CPLANE1: variants seen among roughly 807,000 people sequenced by gnomAD.
CPLANE1 encodes ciliogenesis and planar polarity effector complex subunit 1, also known as ciliogenesis and planar polarity effector 1.
CPLANE1 carries 263 observed loss-of-function variants against 362.5 expected under a neutral mutation model. That is an observed-to-expected ratio of 0.73 (90% confidence interval 0.66 to 0.80). The LOEUF is 0.80. Among genes scored for constraint, CPLANE1 ranks in the 30% least tolerant of loss-of-function variants. The pLI is 0.00. For missense variants in CPLANE1, 3,461 were observed against 3,793.4 expected (o/e 0.91, Z 2.30); for synonymous variants, 1,212 against 1,302.6 (o/e 0.93, Z 1.50).
the CPLANE1 span, among the ~76,000 whole-genome samples, chr5:37,076,640 GA>G: frequency 1.3e-5 from 2 of 151,930 alleles, no homozygotes; most frequent in Admixed American, 1.3e-4. Context: ...TCACCAATCA[GA>G]AACATAAATT....
rs1790744420 is a variant in CPLANE1, at chr5:37,206,389, T to A, written c.2957A>T (p.Lys986Met). The A allele has an allele frequency of 6.4e-7, 1 of 1,551,468 alleles. No homozygotes were observed. Among genetic ancestry groups the A allele is most frequent in the Admixed American group, 2.0e-5 (1 of 50,990 alleles). Residue 986 changes from lysine to methionine, a missense_variant, in exon 17 of 53, where the codon AAG (lysine) becomes ATG (methionine). This residue lies in a region of CPLANE1 where 3,380 missense variants were observed against 3,666.1 expected (regional missense o/e 0.92). Coordinates refer to ENST00000651892, the MANE Select transcript of CPLANE1 (RefSeq NM_001384732.1). Reference sequence around the variant, plus strand: ...CTGATCTCTAACAACACTGGCCACCTTAGAGTGTTGCAGAGGAATAAGTCG... The same window carrying A: ...CTGATCTCTAACAACACTGGCCACCATAGAGTGTTGCAGAGGAATAAGTCG... The part of the protein sequence containing the change: ...SFRLIPLQHS[K>M]VASVVRDQNL...
Position 37,226,510 on chromosome 5 carries a change from T to C in CPLANE1, c.2085A>G (p.Val695=), listed in dbSNP as rs1561664002. The change falls in exon 12 of 53, where the codon GTA becomes GTG. Residue 695 remains valine (V), a synonymous_variant. Coordinates refer to ENST00000651892, the MANE Select transcript of CPLANE1 (RefSeq NM_001384732.1). ...TGTATACACCATTTAAATTGTCAGCTACCATTTTGAGTAAATAAAAACAAG... is the reference window on the plus strand; with the variant it reads ...TGTATACACCATTTAAATTGTCAGCCACCATTTTGAGTAAATAAAAACAAG... ...LLACFYLLKM[V]ADNLNGVYIL... The C allele has an allele frequency of 6.5e-7, 1 of 1,548,658 alleles. No homozygotes were observed. Among genetic ancestry groups the C allele is most frequent in the East Asian group, 2.4e-5 (1 of 40,830 alleles).
chr5:37,142,244 A>T (rs1249034946), intron 44 of CPLANE1, 66 bp downstream of exon 44: 1 of 1,379,470 alleles, frequency 7.2e-7, no homozygotes, highest in Non-Finnish European at 9.5e-7. Context: ...TTCCCAGTAA[A>T]TCATGTTCAG....
At chr5:37,102,619 A>G (rs994192340), downstream of CPLANE1, among the ~76,000 whole-genome samples, 6 of 152,156 alleles carry the variant, frequency 3.9e-5, no homozygotes, top group African/African-American at 1.4e-4. Flanking sequence ...CTTTGTTCTC[A>G]TTAATTTCAA....
At chr5:37,105,289 G>A (rs1003323494), downstream of CPLANE1, among the ~76,000 whole-genome samples, 5 of 152,078 alleles carry the variant, frequency 3.3e-5, no homozygotes, top group African/African-American at 1.2e-4. Flanking sequence ...AACAAAGTGA[G>A]ATCCTGTCTC....
intron 48 of CPLANE1, 90 bp from the exon 49 acceptor site, chr5:37,121,874 T>C: frequency 8.8e-7 from 1 of 1,132,050 alleles, no homozygotes; most frequent in Non-Finnish European, 1.2e-6. Context: ...TCACCTAGCA[T>C]GTTCTGGTTT....
At chr5:37,192,507 T>C (rs913528836) in intron 21 of CPLANE1, among the ~76,000 whole-genome samples, 2 of 152,190 alleles carry the variant, frequency 1.3e-5, no homozygotes, top group Admixed American at 1.3e-4. Flanking sequence ...GGCCTGACTA[T>C]ATATGATATT....
intron 32 of CPLANE1, among the ~76,000 whole-genome samples, chr5:37,170,659 C>T (rs749558598): frequency 7.2e-5 from 11 of 152,088 alleles, no homozygotes; most frequent in Non-Finnish European, 1.3e-4. Flanking sequence ...CAGAATAGGC[C>T]GGGCACAGTG....
intron 51 of CPLANE1, among the ~76,000 whole-genome samples, chr5:37,111,192 C>T (rs762178539): frequency 6.6e-6 from 1 of 151,536 alleles, no homozygotes; most frequent in African/African-American, 2.4e-5. Flanking sequence ...ATGATCTCGG[C>T]TCACTGCAAG....
Position 37,185,090 on chromosome 5 carries a change from A to G in CPLANE1, c.4190-11T>C. ...CCTCAGTCTGGGGTCCTGGAAAGAA[A>G]AGAATAAAAAGTCTTAGTGTTCATT... On this transcript the variant is annotated splice_polypyrimidine_tract_variant and intron_variant, in intron 24 of 52. Coordinates refer to ENST00000651892, the MANE Select transcript of CPLANE1 (RefSeq NM_001384732.1). The G allele has an allele frequency of 6.4e-7, 1 of 1,573,008 alleles. No homozygotes were observed. The highest frequency in any genetic ancestry group is 8.5e-7 in the Non-Finnish European group (1 of 1,169,604).
chr5:37,173,205 A>G (rs1041652279), intron 32 of CPLANE1, among the ~76,000 whole-genome samples: 1 of 152,198 alleles, frequency 6.6e-6, no homozygotes, highest in African/African-American at 2.4e-5. Flanking sequence ...ATGAAAGTCA[A>G]AGTGAACAGT....
At chr5:37,141,067 A>C (rs1316642185) in intron 44 of CPLANE1, 1 of 985,284 alleles carries the variant, frequency 1.0e-6, no homozygotes. Context: ...CTAGTCACTG[A>C]GTACCATCAG....
chr5:37,107,413 C>T lies in CPLANE1; in HGVS notation c.*189G>A. 3 of 1,277,828 alleles carry T rather than the reference C, an allele frequency of 2.3e-6. 1 individual carries two copies. In the South Asian group the frequency reaches 1.0e-4, roughly 43 times the overall value. The allele number at this position is 1,277,828 out of a possible 1,614,324, so 79.2% of individuals were successfully genotyped here. On this transcript the variant is annotated 3_prime_UTR_variant, in exon 53 of 53. Transcript: ENST00000651892. ...ATACATCAATAGTCAACCCTTTCCC[C>T]ATAAAGGCAAAGTTACTGAGAAATG... is the stretch of plus-strand genomic sequence containing the variant.
At chr5:37,227,955 G>GT in intron 9 of CPLANE1, 138 bp from the exon 10 acceptor site, 6 of 773,262 alleles carry the variant, frequency 7.8e-6, no homozygotes. Context: ...TATTAAATGT[G>GT]TTTATATCTT....
Position 37,164,285 on chromosome 5 carries a change from C to T in CPLANE1, c.7576G>A (p.Asp2526Asn), listed in dbSNP as rs535480596. 15 of 1,612,506 alleles carry T rather than the reference C, an allele frequency of 9.3e-6. No individual in the cohort carries two copies. Among genetic ancestry groups the T allele is most frequent in the South Asian group, 6.6e-5 (6 of 91,048 alleles). Residue 2526 changes from aspartate (D) to asparagine (N), a missense_variant, in exon 37 of 53, where the codon GAC (aspartate) becomes AAC (asparagine). Physicochemically the swap from Asp to Asn is conservative, Grantham distance 23. This residue lies in a region of CPLANE1 where 3,380 missense variants were observed against 3,666.1 expected (regional missense o/e 0.92). Coordinates refer to ENST00000651892, the MANE Select transcript of CPLANE1 (RefSeq NM_001384732.1). ...TACACATACATACCAAAAGGAACGTCGAAGTCATCCAAAGGATGGGAACCA... is the reference window on the plus strand; with the variant it reads ...TACACATACATACCAAAAGGAACGTTGAAGTCATCCAAAGGATGGGAACCA... ...HCGSHPLDDF[D>N]VPFEMLQDDN... is the part of the protein sequence containing the mutation.
At chr5:37,236,824 C>T (rs1018925820) in intron 8 of CPLANE1, among the ~76,000 whole-genome samples, 50 of 150,728 alleles carry the variant, frequency 3.3e-4, no homozygotes, top group Admixed American at 2.2e-3. Context: ...AAATGCTCAA[C>T]ATCACTAATC....
chr5:37,076,055 G>A, the CPLANE1 span, among the ~76,000 whole-genome samples: 1 of 151,888 alleles, frequency 6.6e-6, no homozygotes, highest in Non-Finnish European at 1.5e-5. Context: ...ACCAGCTGAG[G>A]CAACATAGTG....
chr5:37,210,778 T>C (rs1792372790), intron 16 of CPLANE1: 1 of 1,328,896 alleles, frequency 7.5e-7, no homozygotes. Flanking sequence ...CTAAACCGCC[T>C]AGCTCAGCTG....
At chr5:37,123,289 C>G (rs574743487) in intron 47 of CPLANE1, among the ~76,000 whole-genome samples, 7 of 152,264 alleles carry the variant, frequency 4.6e-5, no homozygotes, top group African/African-American at 1.7e-4. Flanking sequence ...GTTCTTTTCA[C>G]ACACAATTAT....
Sources: gnomAD v4.1 joint callset for allele counts (sites outside exome capture counted in the v4.1 genomes callset) on GRCh38, gnomAD v4.1.1 for gene constraint, gnomAD v4.1.1 regional missense constraint, MANE v1.5 for transcripts, NCBI Gene and HGNC (gene_info 2026-07-23, HGNC 2026-07-21) for gene names.